The following MSH6 variants were observed in gnomAD, a reference collection of about 807,000 sequenced individuals.
MSH6 encodes the protein DNA mismatch repair protein Msh6.
A neutral mutation model predicts 119.1 loss-of-function variants in MSH6; 85 were observed. That is an observed-to-expected ratio of 0.71 (90% CI 0.60 to 0.85). MSH6 has a LOEUF of 0.85. MSH6 is among the 40% of genes least tolerant of loss of function. The pLI is 0.00. For synonymous variants in MSH6, 830 were observed against 586.9 expected (o/e 1.41, Z -5.99); for missense variants, 2,163 against 1,655.3 (o/e 1.31, Z -5.32).
chr2:47,809,273 T>C, downstream of MSH6: 1 of 1,497,340 alleles, frequency 6.7e-7, no homozygotes, highest in Non-Finnish European at 9.2e-7. Context: ...TTATCTGTAA[T>C]AAAAGAAAGA....
At position 47,796,629 on chromosome 2, in the gene MSH6, T is replaced by G. The variant is rs869312604; in HGVS notation, c.627+566T>G. Among the ~76,000 whole-genome samples, 16 of 152,220 alleles carry G rather than the reference T, an allele frequency of 1.1e-4. No homozygotes were observed. The highest frequency in any genetic ancestry group is 1.8e-4 in the Non-Finnish European group (12 of 68,038). ...GTTAAATAAACCTTGAAATACAACC[T>G]TGGCTCAAACGTTAATGGTCATGGA... On this transcript the variant is annotated intron_variant, in intron 3 of 9. Transcript: ENST00000234420.
In MSH6 at chr2:47,805,601, ATT is replaced by A. The variant is rs267608102; in HGVS notation, c.3557-5_3557-4del. 3.7e-4 allele frequency: 493 copies of A among 1,340,194 alleles called. No homozygotes were observed. The highest frequency in any genetic ancestry group is 6.7e-4 in the African/African-American group (46 of 68,200). The allele number at this position is 1,340,194 out of a possible 1,614,324, so 83.0% of individuals were successfully genotyped here. ...TTTGCAAAATGAGTATTCATTTGTG[ATT>A]TTTTTTTTTTTAAGGTGAAAGTACA... On this transcript the variant is annotated splice_polypyrimidine_tract_variant and intron_variant, in intron 6 of 9. Coordinates refer to ENST00000234420, the MANE Select transcript of MSH6 (RefSeq NM_000179.3).
chr2:47,801,340 T>C (rs1264961198), intron 4 of MSH6, 185 bp downstream of exon 4: 2 of 441,066 alleles, frequency 4.5e-6, no homozygotes, highest in Admixed American at 4.1e-5. Context: ...TTTATCTTAG[T>C]AGCCCTTTGG....
At chr2:47,793,673 A>C (rs1347195171) in intron 2 of MSH6, among the ~76,000 whole-genome samples, 1 of 151,892 alleles carries the variant, frequency 6.6e-6, no homozygotes, top group South Asian at 2.1e-4. Context: ...CTCTCATTGA[A>C]CCAGATGATA....
chr2:47,808,398 T>A (rs1273962149), downstream of MSH6: 1 of 1,606,530 alleles, frequency 6.2e-7, no homozygotes, highest in Non-Finnish European at 8.5e-7. Context: ...ACATATGGCA[T>A]TTCGATCTGT....
downstream of MSH6, chr2:47,807,208 T>TAA (rs1287252440): frequency 3.9e-6 from 1 of 257,138 alleles, no homozygotes; most frequent in East Asian, 5.8e-5. Flanking sequence ...CAGTTTTGTC[T>TAA]AAACTGTTCA....
At chr2:47,784,742 C>A (rs532334767) in intron 1 of MSH6, 2 of 151,556 alleles carry the variant, frequency 1.3e-5, no homozygotes, top group East Asian at 3.9e-4. Flanking sequence ...ATTACAGGCG[C>A]TAGCCACCGC....
intron 2 of MSH6, among the ~76,000 whole-genome samples, chr2:47,792,419 G>T (rs1317720073): frequency 1.3e-5 from 2 of 152,206 alleles, no homozygotes; most frequent in East Asian, 1.9e-4. Flanking sequence ...ATGGTGATCT[G>T]ACATACAGGT....
intron 2 of MSH6, among the ~76,000 whole-genome samples, chr2:47,794,350 C>G (rs778842372): frequency 6.6e-6 from 1 of 152,030 alleles, no homozygotes; most frequent in African/African-American, 2.4e-5. Flanking sequence ...TGGCTCACTG[C>G]AATCTCTGTC....
rs764150912 is a variant in MSH6 at position 47,799,110 on chromosome 2, A to C, written c.1127A>C (p.Glu376Ala). 6.2e-7 allele frequency: 1 copy of C among 1,614,174 alleles called. No homozygotes were observed. Among genetic ancestry groups the C allele is most frequent in the Non-Finnish European group, 8.5e-7 (1 of 1,180,030 alleles). Residue 376 changes from glutamate to alanine, a missense_variant, in exon 4 of 10, where the codon GAA (glutamate) becomes GCA (alanine). Transcript: ENST00000234420. The stretch of plus-strand genomic sequence containing the variant: ...GAAACTTTAGAATGGCTTAAGGAGG[A>C]AAAGAGAAGAGATGAGCACAGGAGG... ...YHETLEWLKE[E>A]KRRDEHRRRP...
At chr2:47,788,255 T>C (rs1045114419) in intron 1 of MSH6, among the ~76,000 whole-genome samples, 1 of 90,386 alleles carries the variant, frequency 1.1e-5, no homozygotes, top group Non-Finnish European at 2.3e-5. Flanking sequence ...TCTTTTTTTT[T>C]TTTTTTTTTT....
chr2:47,806,716 G>GGGAA, intron 9 of MSH6, 63 bp from the exon 10 acceptor site: 2 of 1,576,514 alleles, frequency 1.3e-6, no homozygotes, highest in Admixed American at 3.4e-5. Context: ...ACAGTAAAAG[G>GGGAA]GGAAGGGATG....
At position 47,803,696 on chromosome 2, in the gene MSH6, C is replaced by T. The variant is rs770801666; in HGVS notation, c.3438+11C>T. 4 of 1,613,566 alleles carry T rather than the reference C, an allele frequency of 2.5e-6. No individual in the cohort carries two copies. The African/African-American group carries it at 4.0e-5, about 16-fold the overall frequency. ...ACGCTTATGAGACAGGTAACTGATT[C>T]TTAAAGTTTTGTTATCAGAAAGTCA... On this transcript the variant is annotated intron_variant, in intron 5 of 9. Coordinates refer to ENST00000234420, the MANE Select transcript of MSH6 (RefSeq NM_000179.3).
At chr2:47,805,093 T>TA (rs1669892491) in intron 6 of MSH6, 66 bp downstream of exon 6, 4 of 1,072,638 alleles carry the variant, frequency 3.7e-6, no homozygotes, top group Non-Finnish European at 5.8e-6. Context: ...GATATTTGCT[T>TA]CTTGTATATG....
chr2:47,800,221 T>C lies in MSH6; in HGVS notation c.2238T>C (p.Phe746=), dbSNP rs1384756767. 2 of 1,614,178 alleles carry C rather than the reference T, an allele frequency of 1.2e-6. No homozygotes were observed. Among genetic ancestry groups the C allele is most frequent in the Admixed American group, 1.7e-5 (1 of 60,016 alleles). Reference sequence around the variant, plus strand: ...TGACATTAAACAACTTGGAGATTTTTCTGAATGGAACAAATGGTTCTACTG... The same window carrying C: ...TGACATTAAACAACTTGGAGATTTTCCTGAATGGAACAAATGGTTCTACTG... ...DAVTLNNLEI[F]LNGTNGSTEG... Residue 746 remains phenylalanine (F), a synonymous_variant, in exon 4 of 10, where the codon TTT becomes TTC. Coordinates refer to ENST00000234420, the MANE Select transcript of MSH6 (RefSeq NM_000179.3).
downstream of MSH6, chr2:47,809,764 C>T (rs1036259046): frequency 9.0e-7 from 1 of 1,115,694 alleles, no homozygotes; most frequent in Non-Finnish European, 1.3e-6. Context: ...TCTTAAAAAC[C>T]TGAAATTAGC....
At chr2:47,797,161 G>T (rs1669147659) in intron 3 of MSH6, among the ~76,000 whole-genome samples, 1 of 152,158 alleles carries the variant, frequency 6.6e-6, no homozygotes, top group Non-Finnish European at 1.5e-5. Flanking sequence ...TGTATTTTAT[G>T]TGTGGCCTAA....
intron 1 of MSH6, among the ~76,000 whole-genome samples, chr2:47,787,263 C>G (rs1488902479): frequency 1.3e-5 from 2 of 151,988 alleles, no homozygotes; most frequent in Non-Finnish European, 2.9e-5. Context: ...GCACTCCAGC[C>G]TGGGTGGCAG....
intron 3 of MSH6, chr2:47,797,951 CT>C: frequency 4.8e-6 from 1 of 206,222 alleles, no homozygotes; most frequent in Non-Finnish European, 1.0e-5. Context: ...TAGTTTTAGT[CT>C]TTTAGCCAGA....
Sources: gnomAD v4.1 joint callset for allele counts (sites outside exome capture counted in the v4.1 genomes callset) on GRCh38, gnomAD v4.1.1 for gene constraint, MANE v1.5 for transcripts, NCBI Gene and HGNC (gene_info 2026-07-23, HGNC 2026-07-21) for gene names.